Variants in CACNA1D observed in about 807,000 individuals in gnomAD.
CACNA1D encodes the protein calcium voltage-gated channel subunit alpha1 D.
CACNA1D carries 55 observed loss-of-function variants against 257.1 expected under a neutral mutation model. The ratio of observed to expected loss-of-function variants is 0.21; its 90% CI spans 0.17 to 0.27. The LOEUF (loss-of-function observed/expected upper bound fraction) is 0.27. CACNA1D is among the 10% of genes least tolerant of loss of function. The pLI is 1.00. For missense variants in CACNA1D, 1,876 were observed against 2,784.0 expected, an observed-to-expected ratio of 0.67 and a Z score of 7.34; for synonymous variants, 980 against 1,014.9, an observed-to-expected ratio of 0.97 and a Z score of 0.65.
intron 20 of CACNA1D, among the ~76,000 whole-genome samples, chr3:53,737,660 T>C (rs1021196025): frequency 1.3e-5 from 2 of 152,140 alleles, no homozygotes; most frequent in Admixed American, 1.3e-4. Flanking sequence ...CCATCTCTAC[T>C]AAAAATACAA....
rs1047883088 is a variant in CACNA1D, at chr3:53,673,242, C to G, written c.1220+116C>G. On this transcript the variant is annotated intron_variant, in intron 8 of 47. Transcript: ENST00000350061. This position sits in a 1 kb window ranked among gnomAD's most constrained non-coding sequence, Gnocchi z 4.1. ...GGTTGCCAGACATTTTATGTGTCCTCTGAGATGCTTTCTTTTCTGCTGAGG... is the reference window on the plus strand; with the variant it reads ...GGTTGCCAGACATTTTATGTGTCCTGTGAGATGCTTTCTTTTCTGCTGAGG... 2 of 675,976 alleles carry G rather than the reference C, an allele frequency of 3.0e-6. No individual in the cohort carries two copies. The highest frequency in any genetic ancestry group is 2.6e-6 in the Non-Finnish European group (1 of 381,816). The allele number at this position is 675,976 out of a possible 1,614,324, so 41.9% of individuals were successfully genotyped here. A position where few individuals can be genotyped will look rare whatever the true frequency, so the allele number is the denominator to read the frequency against.
intron 21 of CACNA1D, among the ~76,000 whole-genome samples, chr3:53,742,547 T>C (rs2680649): frequency 0.78 from 118,386 of 152,138 alleles, 47,304 homozygotes; most frequent in East Asian, 1. Flanking sequence ...GGAAAAGTGA[T>C]GTAGGTCCAT....
chr3:53,744,876 T>G (rs1412261720), intron 23 of CACNA1D, 49 bp downstream of exon 23: 3 of 1,010,198 alleles, frequency 3.0e-6, no homozygotes, highest in Non-Finnish European at 4.8e-6. Context: ...TGGGGTTGGC[T>G]GTAATTACTG....
chr3:53,740,208 C>T, intron 20 of CACNA1D, 72 bp from the exon 21 acceptor site: 1 of 1,092,660 alleles, frequency 9.2e-7, no homozygotes. Context: ...TCGGGGGTTT[C>T]TGCCTGTAAG....
At chr3:53,756,157 T>C (rs1379814881) in intron 29 of CACNA1D, among the ~76,000 whole-genome samples, 1 of 151,926 alleles carries the variant, frequency 6.6e-6, no homozygotes, top group African/African-American at 2.4e-5. Context: ...GAAAGTGAGG[T>C]AAGACAAAAT....
At chr3:53,743,246 G>A in intron 22 of CACNA1D, 129 bp downstream of exon 22, 1 of 676,050 alleles carries the variant, frequency 1.5e-6, no homozygotes, top group Non-Finnish European at 2.7e-6. Flanking sequence ...TATTTAATTT[G>A]CTCCCATTCC....
chr3:53,765,182 C>T (rs2095325478), intron 30 of CACNA1D, among the ~76,000 whole-genome samples: 2 of 152,218 alleles, frequency 1.3e-5, no homozygotes, highest in African/African-American at 4.8e-5. Context: ...AAATACATGA[C>T]AGTGGGACTG....
rs568875357 is a variant in CACNA1D, at chr3:53,612,855, T to C, written c.484-37924T>C. Among the ~76,000 whole-genome samples the C allele has an allele frequency of 9.8e-5, 15 of 152,330 alleles. No individual in the cohort carries two copies. The South Asian group carries it at 2.7e-3, about 27-fold the overall frequency. ...GCATTACAGTCTTCACTGTCTGTCG[T>C]TGAATACTAGAAATATTTGTTTTAT... On this transcript the variant is annotated intron_variant, in intron 3 of 47. Transcript: ENST00000350061.
intron 3 of CACNA1D, among the ~76,000 whole-genome samples, chr3:53,548,706 C>T (rs996896277): frequency 8.5e-5 from 13 of 152,092 alleles, no homozygotes; most frequent in African/African-American, 3.1e-4. Flanking sequence ...TGTTAAGAAA[C>T]AAGACAGCAA....
intron 3 of CACNA1D, among the ~76,000 whole-genome samples, chr3:53,640,764 A>C (rs142388877): frequency 1.3e-5 from 2 of 152,140 alleles, no homozygotes; most frequent in African/African-American, 4.8e-5. Flanking sequence ...TTGGATGCCA[A>C]CTCTACCCAG....
chr3:53,501,589 A>C, intron 2 of CACNA1D, 26 bp from the exon 3 acceptor site: 1 of 1,179,382 alleles, frequency 8.5e-7, no homozygotes, highest in Non-Finnish European at 1.3e-6. Flanking sequence ...TCCATAACAC[A>C]TATATACCTT....
intron 15 of CACNA1D, among the ~76,000 whole-genome samples, chr3:53,727,310 C>T (rs747419614): frequency 1.6e-4 from 25 of 152,124 alleles, no homozygotes; most frequent in Admixed American, 2.6e-4. Context: ...GTACAGGTCC[C>T]GAGGGATGGC....
At chr3:53,616,420 C>T (rs916762867) in intron 3 of CACNA1D, among the ~76,000 whole-genome samples, 7 of 152,188 alleles carry the variant, frequency 4.6e-5, no homozygotes, top group African/African-American at 1.7e-4. Flanking sequence ...TCTGTGTCTT[C>T]CTGTCCCCTC....
At chr3:53,618,301 A>G (rs1197842750) in intron 3 of CACNA1D, among the ~76,000 whole-genome samples, 1 of 152,192 alleles carries the variant, frequency 6.6e-6, no homozygotes, top group African/African-American at 2.4e-5. Context: ...GACAGCATGT[A>G]GCTGTCCTCA....
Position 53,723,905 on chromosome 3 carries a change from T to G in CACNA1D, c.2006T>G (p.Met669Arg). 6.2e-7 allele frequency: 1 copy of G among 1,614,230 alleles called. No individual in the cohort carries two copies. The highest frequency in any genetic ancestry group is 8.5e-7 in the Non-Finnish European group (1 of 1,180,034). The change falls in exon 14 of 48, where the codon ATG becomes AGG. Residue 669 changes from methionine to arginine, a missense_variant. Around this residue, in one of 10 missense-constraint regions of CACNA1D, gnomAD observed 257 missense variants for 399.7 expected, o/e 0.64. Transcript: ENST00000350061. This position sits in a 1 kb window ranked among gnomAD's most constrained non-coding sequence, Gnocchi z 5.6. Reference protein sequence around the residue: ...LFIIIFSLLGMQLFGGKFNFD... With the variant: ...LFIIIFSLLGRQLFGGKFNFD... ...ATTATCATCTTTTCCTTGCTTGGGA[T>G]GCAGCTGTTTGGCGGCAAGTTTAAT...
At chr3:53,805,466 T>G (rs1299915875) in intron 45 of CACNA1D, among the ~76,000 whole-genome samples, 1 of 152,222 alleles carries the variant, frequency 6.6e-6, no homozygotes, top group Non-Finnish European at 1.5e-5. Flanking sequence ...GGGACCATCC[T>G]GAGAGGGAGG....
At chr3:53,798,846 C>T (rs2095521323) in intron 40 of CACNA1D, among the ~76,000 whole-genome samples, 1 of 152,194 alleles carries the variant, frequency 6.6e-6, no homozygotes, top group African/African-American at 2.4e-5. Flanking sequence ...CAGACTGCAG[C>T]CACCATCCCC....
At chr3:53,548,589 T>G (rs2092464582) in intron 3 of CACNA1D, among the ~76,000 whole-genome samples, 1 of 152,152 alleles carries the variant, frequency 6.6e-6, no homozygotes, top group Admixed American at 6.5e-5. Flanking sequence ...CTTAGACTTC[T>G]CTGGTTCTTC....
intron 37 of CACNA1D, among the ~76,000 whole-genome samples, chr3:53,778,468 G>T (rs150479489): frequency 3.9e-4 from 59 of 152,302 alleles, no homozygotes; most frequent in African/African-American, 1.4e-3. Context: ...GGGTGGGATG[G>T]ACTTATGCAG....
Sources: allele counts gnomAD v4.1 joint callset (sites outside exome capture counted in the v4.1 genomes callset), GRCh38; gene constraint gnomAD v4.1.1; regional missense constraint gnomAD v4.1.1; non-coding constraint Gnocchi (gnomAD v3.1); transcripts MANE v1.5; gene names NCBI Gene and HGNC (gene_info 2026-07-23, HGNC 2026-07-21).